STARD13: variants seen among roughly 807,000 people sequenced by gnomAD.
The protein encoded by STARD13 is StAR related lipid transfer domain containing 13.
STARD13 carries 62 observed loss-of-function variants against 106.4 expected under a neutral mutation model. The observed-to-expected ratio is 0.58, with a 90% CI of 0.48 to 0.72. The LOEUF is 0.72. STARD13 is among the 30% of genes least tolerant of loss of function. The pLI, the probability that STARD13 is intolerant of heterozygous loss-of-function variation, is 0.00. For missense variants in STARD13, 1,387 were observed against 1,424.0 expected, an observed-to-expected ratio of 0.97 and a Z score of 0.42; for synonymous variants, 565 against 553.0, an observed-to-expected ratio of 1.02 and a Z score of -0.31.
At chr13:33,110,972 G>A (rs1172199255) in intron 10 of STARD13, 65 bp from the exon 11 acceptor site, 10 of 1,444,118 alleles carry the variant, frequency 6.9e-6, no homozygotes, top group Non-Finnish European at 9.7e-6. Flanking sequence ...CTCAAAGAAA[G>A]CAAAGCCATT....
the STARD13 span, among the ~76,000 whole-genome samples, chr13:33,584,474 T>C: frequency 1.3e-5 from 2 of 151,758 alleles, no homozygotes; most frequent in African/African-American, 4.8e-5. Flanking sequence ...TGGTAAACCA[T>C]TCATGAGAAA....
At chr13:33,477,839 C>T in the STARD13 span, among the ~76,000 whole-genome samples, 2 of 152,114 alleles carry the variant, frequency 1.3e-5, no homozygotes, top group Admixed American at 1.3e-4. Context: ...AGAAATTGAC[C>T]CTCCAAGTCT....
chr13:33,346,660 T>C (rs1019910489), downstream of STARD13, among the ~76,000 whole-genome samples: 4 of 152,120 alleles, frequency 2.6e-5, no homozygotes, highest in Non-Finnish European at 4.4e-5. Context: ...GATGGAGTCT[T>C]GCTCTGTCAC....
At chr13:33,544,813 G>T in the STARD13 span, among the ~76,000 whole-genome samples, 2 of 129,744 alleles carry the variant, frequency 1.5e-5, no homozygotes, top group African/African-American at 3.0e-5. Flanking sequence ...TTGCTCTGTC[G>T]CCCAGGCTGG....
At position 33,167,722 on chromosome 13, in the gene STARD13, T is replaced by C; in HGVS notation, c.170-100A>G. 5.7e-6 allele frequency: 7 copies of C among 1,229,906 alleles called. No homozygotes were observed. The South Asian group carries it at 8.9e-5, about 16-fold the overall frequency. 76.2% of individuals were successfully genotyped at this position (1,229,906 alleles called of 1,614,324 possible). ...ACACTGGTGAGCTTTGTGCAAGTTA[T>C]TACAAAGCAAAATTGTTCCAGGTAA... On this transcript the variant is annotated intron_variant, in intron 1 of 13. Coordinates refer to ENST00000336934, the MANE Select transcript of STARD13 (RefSeq NM_178006.4).
chr13:33,261,961 G>A (rs984299987), intron 1 of STARD13, among the ~76,000 whole-genome samples: 1 of 152,076 alleles, frequency 6.6e-6, no homozygotes, highest in African/African-American at 2.4e-5. Flanking sequence ...TGGTGAACTC[G>A]GGCCCACGAG....
the STARD13 span, among the ~76,000 whole-genome samples, chr13:33,355,865 A>G: frequency 1.3e-5 from 2 of 152,160 alleles, no homozygotes; most frequent in Non-Finnish European, 2.9e-5. Context: ...AACAATTTTG[A>G]TTGCTTTTCG....
chr13:33,430,062 C>T, the STARD13 span, among the ~76,000 whole-genome samples: 2 of 151,912 alleles, frequency 1.3e-5, no homozygotes, highest in Non-Finnish European at 2.9e-5. Flanking sequence ...GGACTACAGG[C>T]GCCCGCCACC....
intron 1 of STARD13, among the ~76,000 whole-genome samples, chr13:33,318,695 T>A (rs1344320137): frequency 6.6e-6 from 1 of 150,782 alleles, no homozygotes; most frequent in Admixed American, 6.6e-5. Flanking sequence ...TATCCAGAAA[T>A]AAAAAGAACT....
chr13:33,517,132 G>A, the STARD13 span, among the ~76,000 whole-genome samples: 5 of 151,670 alleles, frequency 3.3e-5, no homozygotes, highest in Non-Finnish European at 5.9e-5. Flanking sequence ...TTACCTATGG[G>A]GCTCAGTTTG....
At chr13:33,352,734 C>T (rs1440731643), upstream of STARD13, among the ~76,000 whole-genome samples, 1 of 152,186 alleles carries the variant, frequency 6.6e-6, no homozygotes, top group African/African-American at 2.4e-5. Context: ...GGCTGCTGGC[C>T]CTGTTGGAAG....
In STARD13 at chr13:33,237,219, T is replaced by C. The variant is rs540719162; in HGVS notation, c.169+48251A>G. Among the ~76,000 whole-genome samples, 8 of 152,360 alleles carry C rather than the reference T, an allele frequency of 5.3e-5. No homozygotes were observed. In the South Asian group the frequency reaches 1.4e-3, roughly 28 times the overall value. On this transcript the variant is annotated intron_variant, in intron 1 of 13. Coordinates refer to ENST00000336934, the MANE Select transcript of STARD13 (RefSeq NM_178006.4). ...CTCTTGTCCTCTTTCAAAGTCCTAG[T>C]TCCAGATTTCTAACTTCTTAAAGAA...
the STARD13 span, among the ~76,000 whole-genome samples, chr13:33,580,146 A>G: frequency 6.6e-6 from 1 of 152,134 alleles, no homozygotes; most frequent in Non-Finnish European, 1.5e-5. Context: ...AATTACCAAA[A>G]CTTGGAAGCA....
chr13:33,213,316 A>G (rs1032325282), intron 1 of STARD13, among the ~76,000 whole-genome samples: 1 of 152,186 alleles, frequency 6.6e-6, no homozygotes. Flanking sequence ...AGGGAGAGAA[A>G]TGGGGGAGAA....
the STARD13 span, among the ~76,000 whole-genome samples, chr13:33,649,310 G>A: frequency 3.9e-5 from 6 of 152,014 alleles, no homozygotes; most frequent in African/African-American, 9.7e-5. Context: ...CACTTCTCTC[G>A]ACTTTTCTTG....
chr13:33,243,682 G>A (rs760751731), intron 1 of STARD13, among the ~76,000 whole-genome samples: 5 of 152,112 alleles, frequency 3.3e-5, no homozygotes, highest in Non-Finnish European at 5.9e-5. Flanking sequence ...TGGTGGAGAT[G>A]GGTGGGCAAA....
intron 4 of STARD13, among the ~76,000 whole-genome samples, chr13:33,131,180 G>C (rs528053155): frequency 6.6e-6 from 1 of 152,326 alleles, no homozygotes; most frequent in East Asian, 1.9e-4. Context: ...CCTTGACCTA[G>C]AGCATATCAT....
At chr13:33,675,693 T>G in the STARD13 span, among the ~76,000 whole-genome samples, 54 of 152,200 alleles carry the variant, frequency 3.5e-4, no homozygotes, top group Admixed American at 3.5e-3. Context: ...CCTGTATATC[T>G]GATAAAGGCA....
intron 1 of STARD13, among the ~76,000 whole-genome samples, chr13:33,191,826 G>A (rs551015259): frequency 3.7e-4 from 57 of 152,286 alleles, no homozygotes; most frequent in Non-Finnish European, 6.6e-4. Context: ...TCCCTGTTTT[G>A]TAATCCAATT....
Sources: allele counts gnomAD v4.1 joint callset (sites outside exome capture counted in the v4.1 genomes callset), GRCh38; gene constraint gnomAD v4.1.1; transcripts MANE v1.5; gene names NCBI Gene and HGNC (gene_info 2026-07-23, HGNC 2026-07-21).